The following CUX1 variants were observed in gnomAD, a reference collection of about 807,000 sequenced individuals.
CUX1 encodes cut like homeobox 1, also known as protein CASP.
Under a neutral mutation model 158.8 loss-of-function variants are expected in CUX1, and 31 were observed. The observed-to-expected ratio is 0.20, with a 90% CI of 0.15 to 0.26. CUX1 has a LOEUF of 0.26. Among genes scored for constraint, CUX1 ranks in the 10% least tolerant of loss-of-function variants. CUX1 has a pLI of 1.00. For synonymous variants in CUX1, 879 were observed against 862.1 expected (o/e 1.02, Z -0.34); for missense variants, 1,589 against 2,014.6 (o/e 0.79, Z 4.04).
At position 102,272,725 on chromosome 7, in the gene CUX1, A is replaced by G. The variant is rs140600426; in HGVS notation, c.1256-641A>G. Among the ~76,000 whole-genome samples, 193 of 152,288 alleles carry G rather than the reference A, an allele frequency of 1.3e-3. 1 individual carries two copies. The highest frequency in any genetic ancestry group is 4.3e-3 in the African/African-American group (180 of 41,560). On this transcript the variant is annotated intron_variant, in intron 14 of 22. Transcript: ENST00000292538. ...AAAGTCACAGTTTGGATGCTTTGTT[A>G]TAAAGATGACCCTGGCACCTGGAGG...
intron 20 of CUX1, among the ~76,000 whole-genome samples, chr7:102,223,695 G>A (rs1299984511): frequency 1.3e-5 from 2 of 152,198 alleles, no homozygotes; most frequent in African/African-American, 2.4e-5. Context: ...AGGGTCAGGC[G>A]CGGTGGCTCA....
intron 2 of CUX1, among the ~76,000 whole-genome samples, chr7:101,971,758 C>T (rs910417899): frequency 2.6e-5 from 4 of 152,208 alleles, no homozygotes; most frequent in Non-Finnish European, 4.4e-5. Context: ...AAAAAGAAGT[C>T]ACTTGGTTTC....
chr7:102,085,202 G>C (rs1585596504), intron 4 of CUX1, among the ~76,000 whole-genome samples: 1 of 151,962 alleles, frequency 6.6e-6, no homozygotes, highest in Admixed American at 6.6e-5. Flanking sequence ...TGCATTCCTA[G>C]GATAAATCTT....
chr7:102,079,642 C>T (rs1425359685), intron 4 of CUX1, among the ~76,000 whole-genome samples: 1 of 152,156 alleles, frequency 6.6e-6, no homozygotes, highest in Admixed American at 6.5e-5. Context: ...CCCAGGGCCC[C>T]TCCGGAGAGC....
At chr7:101,827,642 T>TAATA (rs1337437386) in intron 1 of CUX1, among the ~76,000 whole-genome samples, 2 of 152,086 alleles carry the variant, frequency 1.3e-5, no homozygotes, top group African/African-American at 4.8e-5. Flanking sequence ...ACTTAATTAC[T>TAATA]AATAGCCTAC....
chr7:102,151,469 G>A lies in CUX1; in HGVS notation c.675-7091G>A, dbSNP rs187867487. ...TCGGAAGGCTGAGGCAGGGAGAATC[G>A]CTTGAACCCAGGAGATGGAGGTTGC... On this transcript the variant is annotated intron_variant, in intron 8 of 23. Transcript: ENST00000292535. 8.9e-4 allele frequency among the ~76,000 whole-genome samples: 136 copies of A among 152,160 alleles called. 2 individuals are homozygous for A. In the East Asian group the frequency reaches 0.018, roughly 20 times the overall value.
At position 102,195,516 on chromosome 7, in the gene CUX1, A is replaced by C. The variant is rs782447962; in HGVS notation, c.1135A>C (p.Lys379Gln). The change falls in exon 14 of 24, where the codon AAG becomes CAG. Residue 379 changes from lysine to glutamine, a missense_variant. This residue lies in a region of CUX1 where 515 missense variants were observed against 574.4 expected (regional missense o/e 0.90). Coordinates refer to ENST00000292535, the MANE Select transcript of CUX1 (RefSeq NM_181552.4). ...SEGAGTQDAA[K>Q]PLEVLLLEKN... ...GCTCTGCCCCTTCTAGGATGCGGCC[A>C]AGCCCCTGGAGGTGCTGTTGCTGGA... The C allele has an allele frequency of 6.2e-7, 1 of 1,611,978 alleles. No homozygotes were observed. The highest frequency in any genetic ancestry group is 1.1e-5 in the South Asian group (1 of 90,858).
intron 1 of CUX1, among the ~76,000 whole-genome samples, chr7:101,854,007 G>A (rs1013754721): frequency 2.0e-5 from 3 of 152,194 alleles, no homozygotes; most frequent in African/African-American, 7.2e-5. Context: ...AGGCTTGTCT[G>A]GAAAGGCGGC....
intron 2 of CUX1, among the ~76,000 whole-genome samples, chr7:101,988,620 AG>A (rs1814654576): frequency 6.6e-6 from 1 of 151,878 alleles, no homozygotes; most frequent in African/African-American, 2.4e-5. Context: ...CATTGTCCTC[AG>A]GGATCTTCCA....
At chr7:101,975,163 A>G (rs1323112768) in intron 2 of CUX1, among the ~76,000 whole-genome samples, 1 of 152,116 alleles carries the variant, frequency 6.6e-6, no homozygotes, top group African/African-American at 2.4e-5. Flanking sequence ...AGGCAGGAGA[A>G]TCCCTTGAAC....
chr7:102,282,314 T>A (rs1792139215), intron 21 of CUX1, among the ~76,000 whole-genome samples: 1 of 152,104 alleles, frequency 6.6e-6, no homozygotes, highest in South Asian at 2.1e-4. Context: ...GAGGTGGCGT[T>A]CTAGTTAGCG....
chr7:102,032,505 C>T (rs1820911108), intron 3 of CUX1, among the ~76,000 whole-genome samples: 1 of 151,766 alleles, frequency 6.6e-6, no homozygotes, highest in Non-Finnish European at 1.5e-5. Context: ...GTCTAATAGA[C>T]TAAACATACA....
intron 22 of CUX1, among the ~76,000 whole-genome samples, chr7:102,234,971 G>T (rs1032140559): frequency 1.2e-4 from 18 of 152,014 alleles, no homozygotes; most frequent in Non-Finnish European, 1.8e-4. Flanking sequence ...GTTCAGAGAG[G>T]TTCGGTGCCT....
chr7:101,999,589 C>G (rs1331478517), intron 2 of CUX1, among the ~76,000 whole-genome samples: 1 of 152,184 alleles, frequency 6.6e-6, no homozygotes, highest in Admixed American at 6.5e-5. Context: ...AGTGTCTGAG[C>G]GCTGCTTCTG....
intron 18 of CUX1, among the ~76,000 whole-genome samples, 193 bp from the exon 19 acceptor site, chr7:102,204,198 G>A (rs1554520459): frequency 6.6e-6 from 1 of 152,194 alleles, no homozygotes; most frequent in South Asian, 2.1e-4. Context: ...CCCTGTGCCG[G>A]GGTCTCAGCC....
chr7:102,206,086 G>T (rs782234842), intron 20 of CUX1, among the ~76,000 whole-genome samples: 4 of 152,168 alleles, frequency 2.6e-5, no homozygotes, highest in African/African-American at 9.7e-5. Flanking sequence ...CCAGCTTGCC[G>T]CAAGCTCCAC....
chr7:102,044,956 C>A (rs1196204333), intron 3 of CUX1, among the ~76,000 whole-genome samples: 1 of 152,184 alleles, frequency 6.6e-6, no homozygotes, highest in Non-Finnish European at 1.5e-5. Context: ...GACTTCTCAG[C>A]CAGTATGTCT....
At chr7:101,942,271 G>A (rs1463013160) in intron 2 of CUX1, among the ~76,000 whole-genome samples, 2 of 152,198 alleles carry the variant, frequency 1.3e-5, no homozygotes, top group African/African-American at 4.8e-5. Flanking sequence ...TGTCTGTAAT[G>A]CAGACACATT....
chr7:101,940,587 G>A (rs1451280082), intron 2 of CUX1, among the ~76,000 whole-genome samples: 1 of 152,146 alleles, frequency 6.6e-6, no homozygotes, highest in South Asian at 2.1e-4. Flanking sequence ...ATGTGTGTGT[G>A]TGTTTTCTTA....
Sources: gnomAD v4.1 joint callset for allele counts (sites outside exome capture counted in the v4.1 genomes callset) on GRCh38, gnomAD v4.1.1 for gene constraint, gnomAD v4.1.1 regional missense constraint, MANE v1.5 for transcripts, NCBI Gene and HGNC (gene_info 2026-07-23, HGNC 2026-07-21) for gene names.